YAE1: variants seen among roughly 807,000 people sequenced by gnomAD.
The protein encoded by YAE1 is protein YAE1 homolog.
A neutral mutation model predicts 23.0 loss-of-function variants in YAE1; 22 were observed. That is an observed-to-expected ratio of 0.96 (90% CI 0.68 to 1.37). The LOEUF (loss-of-function observed/expected upper bound fraction) is 1.37, where lower values mean the gene tolerates loss of function less well. YAE1 is among the 40% of genes most tolerant of loss of function. YAE1 has a pLI of 0.00. For synonymous variants in YAE1, 101 were observed against 97.0 expected (o/e 1.04, Z -0.24); for missense variants, 260 against 262.1 (o/e 0.99, Z 0.06).
chr7:39,592,664 T>C (rs1790917786), intron 2 of YAE1, among the ~76,000 whole-genome samples: 1 of 151,312 alleles, frequency 6.6e-6, no homozygotes, highest in Non-Finnish European at 1.5e-5. Context: ...TTTTATCCTT[T>C]TAGTGCTTTA....
rs929660437 is a variant in YAE1 at position 39,598,396 on chromosome 7, A to C, written c.252-11221A>C. ...AGTACTAGGATTACAGGCATAAGCC[A>C]CCGCACCTGGGCCAAGTTTTTTTTT... On this transcript the variant is annotated intron_variant, in intron 2 of 2. Coordinates refer to the YAE1 transcript ENST00000432096. Among the ~76,000 whole-genome samples the C allele has an allele frequency of 3.4e-5, 5 of 145,512 alleles. No individual in the cohort carries two copies. The East Asian group carries it at 6.0e-4, about 17-fold the overall frequency.
At chr7:39,599,647 A>G (rs1480079819) in intron 2 of YAE1, among the ~76,000 whole-genome samples, 1 of 151,994 alleles carries the variant, frequency 6.6e-6, no homozygotes, top group Non-Finnish European at 1.5e-5. Context: ...ATTAACTCTC[A>G]TAGTAAGTTA....
chr7:39,573,046 C>T (rs1293232811), downstream of YAE1, among the ~76,000 whole-genome samples: 4 of 152,096 alleles, frequency 2.6e-5, no homozygotes, highest in African/African-American at 9.7e-5. Flanking sequence ...CTACTTCTAC[C>T]TCCTGTCACT....
chr7:39,601,851 T>A (rs1227891735), intron 2 of YAE1, among the ~76,000 whole-genome samples: 1 of 152,144 alleles, frequency 6.6e-6, no homozygotes, highest in Non-Finnish European at 1.5e-5. Flanking sequence ...AGCAGATGCT[T>A]GGGTAGAGCA....
rs577333173 is a variant in YAE1, at chr7:39,583,497, T to G, written c.251+12870T>G. Reference sequence around the variant, plus strand: ...ATACTCAGGCAGGACCTCAGAAAATTCTATGAGAAGTGACTGATCTTTAAC... The same window carrying G: ...ATACTCAGGCAGGACCTCAGAAAATGCTATGAGAAGTGACTGATCTTTAAC... On this transcript the variant is annotated intron_variant, in intron 2 of 2. Transcript: ENST00000432096. Among the ~76,000 whole-genome samples the G allele has an allele frequency of 5.3e-4, 80 of 152,312 alleles. No individual in the cohort carries two copies. The South Asian group carries it at 0.016, about 30-fold the overall frequency.
At chr7:39,579,931 G>A (rs1166759460) in intron 2 of YAE1, among the ~76,000 whole-genome samples, 1 of 152,028 alleles carries the variant, frequency 6.6e-6, no homozygotes, top group East Asian at 1.9e-4. Context: ...TGTAGTCCCA[G>A]CCTCCTGGGA....
At chr7:39,611,694 G>GT (rs1240547241), downstream of YAE1, among the ~76,000 whole-genome samples, 1 of 152,206 alleles carries the variant, frequency 6.6e-6, no homozygotes, top group Non-Finnish European at 1.5e-5. Flanking sequence ...TTTGTGAGGA[G>GT]TTGGGAGTTA....
chr7:39,572,605 T>G lies in YAE1; in HGVS notation c.580T>G (p.Ser194Ala). Reference protein sequence around the residue: ...ECCRTQEHAHSENPSPTWILE... With the variant: ...ECCRTQEHAHAENPSPTWILE... ...TTGTAGAACACAGGAGCATGCACAT[T>G]CAGAAAACCCAAGCCCCACATGGAT... The change falls in exon 3 of 3, where the codon TCA (serine) becomes GCA (alanine). Residue 194 changes from serine (S) to alanine (A), a missense_variant. By Grantham distance (99) the Ser-to-Ala change is moderately conservative. Coordinates refer to ENST00000223273, the MANE Select transcript of YAE1 (RefSeq NM_020192.5). 6.2e-7 allele frequency: 1 copy of G among 1,614,094 alleles called. No homozygotes were observed.
intron 2 of YAE1, among the ~76,000 whole-genome samples, chr7:39,604,627 T>A (rs916615267): frequency 6.6e-6 from 1 of 152,226 alleles, no homozygotes; most frequent in Non-Finnish European, 1.5e-5. Context: ...TGAAATAATA[T>A]TAAGGCTACT....
intron 1 of YAE1, among the ~76,000 whole-genome samples, chr7:39,567,904 T>C (rs1330847362): frequency 1.3e-5 from 2 of 152,180 alleles, no homozygotes; most frequent in African/African-American, 4.8e-5. Context: ...GTGAAAACTA[T>C]GTATGCCCTT....
intron 2 of YAE1, among the ~76,000 whole-genome samples, chr7:39,605,106 T>C (rs982991910): frequency 2.8e-4 from 43 of 152,184 alleles, no homozygotes; most frequent in African/African-American, 7.5e-4. Context: ...GATTTCCCCA[T>C]TGGAAATTTC....
At chr7:39,591,365 C>T (rs529154034) in intron 2 of YAE1, among the ~76,000 whole-genome samples, 10 of 152,264 alleles carry the variant, frequency 6.6e-5, no homozygotes, top group South Asian at 4.2e-4. Context: ...GGATACTGTT[C>T]GACACATAGT....
chr7:39,593,316 C>T (rs769733727), intron 2 of YAE1, among the ~76,000 whole-genome samples: 7 of 150,426 alleles, frequency 4.7e-5, no homozygotes, highest in Non-Finnish European at 1.0e-4. Context: ...TTCCGAGTAG[C>T]TGGAATTGCA....
At chr7:39,582,284 C>T (rs961720753) in intron 2 of YAE1, among the ~76,000 whole-genome samples, 41 of 152,016 alleles carry the variant, frequency 2.7e-4, no homozygotes, top group African/African-American at 2.4e-4. Flanking sequence ...CCTCCTCCCT[C>T]GGCCTCCCAA....
intron 2 of YAE1, among the ~76,000 whole-genome samples, chr7:39,597,874 G>C (rs570983237): frequency 6.6e-6 from 1 of 152,324 alleles, no homozygotes; most frequent in East Asian, 1.9e-4. Context: ...TTACCAGCAT[G>C]TTCTGTGGAG....
chr7:39,606,720 C>T (rs969774108), intron 2 of YAE1, among the ~76,000 whole-genome samples: 3 of 151,440 alleles, frequency 2.0e-5, no homozygotes, highest in African/African-American at 7.3e-5. Context: ...AAAAAAAAAT[C>T]AAAATCCAAG....
chr7:39,586,116 C>A (rs1790810141), intron 2 of YAE1, among the ~76,000 whole-genome samples: 1 of 151,880 alleles, frequency 6.6e-6, no homozygotes, highest in Admixed American at 6.6e-5. Context: ...ATATATATAT[C>A]CTAGGTATCA....
chr7:39,581,943 T>A (rs904471342), intron 2 of YAE1, among the ~76,000 whole-genome samples: 6 of 151,556 alleles, frequency 4.0e-5, no homozygotes, highest in Non-Finnish European at 7.4e-5. Context: ...ATTTTTTTTT[T>A]AAGAGATGGA....
chr7:39,603,440 T>C (rs2115847232), intron 2 of YAE1, among the ~76,000 whole-genome samples: 1 of 152,286 alleles, frequency 6.6e-6, no homozygotes, highest in South Asian at 2.1e-4. Context: ...GCCCGGCTCA[T>C]GTGATGAGTT....
Sources: gnomAD v4.1 joint callset for allele counts (sites outside exome capture counted in the v4.1 genomes callset) on GRCh38, gnomAD v4.1.1 for gene constraint, MANE v1.5 for transcripts, NCBI Gene and HGNC (gene_info 2026-07-23, HGNC 2026-07-21) for gene names.